The following BACH2 variants were observed in gnomAD, a reference collection of about 807,000 sequenced individuals.
The protein encoded by BACH2 is transcription regulator protein BACH2.
In BACH2, 5 loss-of-function variants were observed where a neutral mutation model predicts 61.8. That is an observed-to-expected ratio of 0.08 (90% CI 0.04 to 0.17). BACH2 has a LOEUF of 0.17. Ranked by LOEUF, BACH2 falls within the 10% of genes least tolerant of loss-of-function variation. The pLI is 1.00. For missense variants in BACH2, 824 were observed against 1,091.1 expected (o/e 0.76, Z 3.45); for synonymous variants, 446 against 440.1 (o/e 1.01, Z -0.17).
intron 1 of BACH2, among the ~76,000 whole-genome samples, chr6:90,283,493 A>G (rs1771921998): frequency 6.6e-6 from 1 of 151,518 alleles, no homozygotes; most frequent in Non-Finnish European, 1.5e-5. Flanking sequence ...CTCCTGCCTC[A>G]GCCTCCCGAG....
chr6:90,001,175 TATC>T (rs1183052019), intron 6 of BACH2: 1 of 152,308 alleles, frequency 6.6e-6, no homozygotes, highest in African/African-American at 2.4e-5. Flanking sequence ...CTGTCTCCTG[TATC>T]ATCAAGTTTT....
intron 3 of BACH2, among the ~76,000 whole-genome samples, chr6:90,229,490 G>A (rs1210903876): frequency 1.3e-5 from 2 of 152,074 alleles, no homozygotes; most frequent in Non-Finnish European, 2.9e-5. Flanking sequence ...AATGTCTGGG[G>A]TGGAAGCCAG....
intron 2 of BACH2, among the ~76,000 whole-genome samples, chr6:90,262,788 TC>T (rs1771203853): frequency 6.6e-6 from 1 of 152,126 alleles, no homozygotes; most frequent in African/African-American, 2.4e-5. Flanking sequence ...CAAAGATAGC[TC>T]AAGAGCTATT....
intron 5 of BACH2, among the ~76,000 whole-genome samples, chr6:90,041,199 C>T (rs1275172142): frequency 6.6e-6 from 1 of 152,102 alleles, no homozygotes. Context: ...TGGGCATACA[C>T]CCAGTAATGG....
At chr6:90,049,764 A>G (rs999629599) in intron 5 of BACH2, among the ~76,000 whole-genome samples, 1 of 152,256 alleles carries the variant, frequency 6.6e-6, no homozygotes, top group Non-Finnish European at 1.5e-5. Flanking sequence ...ATAACATTTT[A>G]ACACTCTGTG....
intron 3 of BACH2, among the ~76,000 whole-genome samples, chr6:90,222,674 T>G (rs1769773398): frequency 6.6e-6 from 1 of 152,220 alleles, no homozygotes; most frequent in Non-Finnish European, 1.5e-5. Flanking sequence ...ATATGGTACG[T>G]TCAGCATGTT....
At chr6:90,226,032 T>C (rs567231512) in intron 3 of BACH2, among the ~76,000 whole-genome samples, 2 of 152,244 alleles carry the variant, frequency 1.3e-5, no homozygotes, top group South Asian at 4.1e-4. Flanking sequence ...ACTCTCCAGG[T>C]GATTCTGATG....
intron 3 of BACH2, among the ~76,000 whole-genome samples, chr6:90,239,807 AC>A (rs1299472330): frequency 8.7e-5 from 9 of 103,872 alleles, no homozygotes; most frequent in Non-Finnish European, 2.0e-5. Flanking sequence ...ATACACACAC[AC>A]ACACACACAC....
At chr6:89,991,172 T>C (rs762944561) in intron 6 of BACH2, among the ~76,000 whole-genome samples, 23 of 152,232 alleles carry the variant, frequency 1.5e-4, no homozygotes, top group Non-Finnish European at 1.2e-4. Flanking sequence ...CCCTAGCACT[T>C]AAAACGGCTT....
At chr6:90,038,055 T>C (rs1562390433) in intron 5 of BACH2, among the ~76,000 whole-genome samples, 1 of 152,220 alleles carries the variant, frequency 6.6e-6, no homozygotes, top group Non-Finnish European at 1.5e-5. Flanking sequence ...ACTTCTAACC[T>C]CTAGAACTGT....
Position 89,928,588 on chromosome 6 carries a change from G to A in BACH2, c.*3820C>T, listed in dbSNP as rs977670740. On this transcript the variant is annotated 3_prime_UTR_variant, in exon 9 of 9. Transcript: ENST00000257749. ...AGCCAGTCCTCTCATGAGTCTTGTCGCTGGTCCTGGCTCCTTTTGAAGGAG... is the reference window on the plus strand; with the variant it reads ...AGCCAGTCCTCTCATGAGTCTTGTCACTGGTCCTGGCTCCTTTTGAAGGAG... 2.6e-5 allele frequency: 4 copies of A among 152,824 alleles called. No individual in the cohort carries two copies. Among genetic ancestry groups the A allele is most frequent in the African/African-American group, 4.8e-5 (2 of 41,550 alleles). 9.5% of individuals were successfully genotyped at this position (152,824 alleles called of 1,614,324 possible). A position where few individuals can be genotyped will look rare whatever the true frequency, so the allele number is the denominator to read the frequency against.
intron 4 of BACH2, among the ~76,000 whole-genome samples, chr6:90,187,705 G>A (rs978130127): frequency 3.9e-5 from 6 of 152,240 alleles, no homozygotes; most frequent in Non-Finnish European, 8.8e-5. Flanking sequence ...CAGAAGAGCA[G>A]AGGATTAGGA....
intron 3 of BACH2, among the ~76,000 whole-genome samples, chr6:90,209,903 G>T (rs1338710634): frequency 2.6e-5 from 4 of 152,088 alleles, no homozygotes; most frequent in African/African-American, 9.7e-5. Flanking sequence ...TTTTTTCTTT[G>T]CTGTCACTCA....
intron 5 of BACH2, among the ~76,000 whole-genome samples, chr6:90,076,902 G>T (rs1205328887): frequency 2.6e-5 from 4 of 152,142 alleles, no homozygotes; most frequent in Non-Finnish European, 5.9e-5. Context: ...TGTCAATCTT[G>T]TTGAAAATTC....
chr6:90,105,501 A>G (rs1260700583), intron 4 of BACH2, among the ~76,000 whole-genome samples: 2 of 152,352 alleles, frequency 1.3e-5, no homozygotes, highest in Non-Finnish European at 2.9e-5. Context: ...ACAAACCAGC[A>G]GTAGTTATAC....
chr6:89,951,886 C>T lies in BACH2; in HGVS notation c.244-24G>A, dbSNP rs765379469. On this transcript the variant is annotated intron_variant, in intron 6 of 8. Coordinates refer to ENST00000257749, the MANE Select transcript of BACH2 (RefSeq NM_021813.4). This position sits in a 1 kb window ranked among gnomAD's most constrained non-coding sequence, Gnocchi z 6.4. ...ACCTGCAAAACAAACAGGGAAATCG[C>T]CAACATTACCATCAGCACTGCTATT... 1 of 1,598,638 alleles carries T rather than the reference C, an allele frequency of 6.3e-7. No homozygotes were observed. Among genetic ancestry groups the T allele is most frequent in the Admixed American group, 1.7e-5 (1 of 59,492 alleles).
intron 1 of BACH2, among the ~76,000 whole-genome samples, chr6:90,281,113 A>G (rs1051324267): frequency 6.6e-6 from 1 of 152,196 alleles, no homozygotes; most frequent in African/African-American, 2.4e-5. Context: ...AGAGTAGTTG[A>G]GTGAGAACAT....
intron 4 of BACH2, among the ~76,000 whole-genome samples, chr6:90,167,356 T>C (rs1485476988): frequency 6.6e-6 from 1 of 151,916 alleles, no homozygotes. Flanking sequence ...CCTCCTTTTT[T>C]CTTTTTCTTT....
chr6:89,954,863 T>C (rs12213272), intron 6 of BACH2, among the ~76,000 whole-genome samples: 42,628 of 152,014 alleles, frequency 0.28, 6,068 homozygotes, highest in East Asian at 0.39. Flanking sequence ...AGATAAAAAA[T>C]CTGGTTTGTA....
Sources: allele counts gnomAD v4.1 joint callset (sites outside exome capture counted in the v4.1 genomes callset), GRCh38; gene constraint gnomAD v4.1.1; non-coding constraint Gnocchi (gnomAD v3.1); transcripts MANE v1.5; gene names NCBI Gene and HGNC (gene_info 2026-07-23, HGNC 2026-07-21).